Variants in INPP5F observed in about 807,000 individuals in gnomAD.
INPP5F encodes the protein inositol polyphosphate-5-phosphatase F.
In INPP5F, 97 loss-of-function variants were observed where a neutral mutation model predicts 137.2. The observed-to-expected ratio is 0.71, with a 90% confidence interval of 0.60 to 0.84. The LOEUF is 0.84. Among genes scored for constraint, INPP5F ranks in the 40% least tolerant of loss-of-function variants. INPP5F has a pLI of 0.00. For synonymous variants in INPP5F, 504 were observed against 476.9 expected (o/e 1.06, Z -0.74); for missense variants, 1,271 against 1,371.9 (o/e 0.93, Z 1.16).
At chr10:119,765,019 G>C (rs1051597286) in intron 2 of INPP5F, among the ~76,000 whole-genome samples, 2 of 151,982 alleles carry the variant, frequency 1.3e-5, no homozygotes, top group Admixed American at 1.3e-4. Context: ...TGCAACCTCT[G>C]CCTCCTGGAT....
rs1229534280 is a variant in INPP5F, at chr10:119,828,338, A to G, written c.*558A>G. ...GAGAAATGAATTCTCATTTGATCCTAATTTTCCCCGTATTCTACTTGAACA... is the reference window on the plus strand; with the variant it reads ...GAGAAATGAATTCTCATTTGATCCTGATTTTCCCCGTATTCTACTTGAACA... On this transcript the variant is annotated 3_prime_UTR_variant, in exon 20 of 20. Coordinates refer to ENST00000650623, the MANE Select transcript of INPP5F (RefSeq NM_014937.4). 3.3e-5 allele frequency: 5 copies of G among 152,780 alleles called. No homozygotes were observed. Among genetic ancestry groups the G allele is most frequent in the African/African-American group, 1.2e-4 (5 of 41,428 alleles). 9.5% of individuals were successfully genotyped at this position (152,780 alleles called of 1,614,324 possible). A position where few individuals can be genotyped will look rare whatever the true frequency, so the allele number is the denominator to read the frequency against.
intron 1 of INPP5F, among the ~76,000 whole-genome samples, chr10:119,739,080 G>A (rs977081978): frequency 2.0e-5 from 3 of 152,140 alleles, no homozygotes; most frequent in African/African-American, 7.2e-5. Flanking sequence ...AGCTACTTGG[G>A]AAGCTGAGGT....
chr10:119,821,032 G>A, intron 16 of INPP5F, 115 bp downstream of exon 16: 1 of 691,178 alleles, frequency 1.4e-6, no homozygotes. Context: ...TGTATTTTAT[G>A]AAACTTCATT....
chr10:119,781,819 T>C (rs1245284864), intron 3 of INPP5F, 48 bp downstream of exon 3: 6 of 1,464,062 alleles, frequency 4.1e-6, no homozygotes, highest in Non-Finnish European at 5.6e-6. Context: ...ATAAATGTAA[T>C]AGCAAATATG....
In INPP5F at chr10:119,748,844, A is replaced by G. The variant is rs1285040939; in HGVS notation, c.98-2232A>G. Among the ~76,000 whole-genome samples the G allele has an allele frequency of 2.6e-5, 4 of 152,176 alleles. No homozygotes were observed. Among genetic ancestry groups the G allele is most frequent in the Non-Finnish European group, 5.9e-5 (4 of 68,018 alleles). On this transcript the variant is annotated intron_variant, in intron 1 of 19. Transcript: ENST00000650623. The surrounding 1 kb of genome is among the most constrained non-coding windows in gnomAD (Gnocchi z 4.7). ...AGGCTTCAGGTTGTCCCTGGCTTGA[A>G]GGTGGGGTTTTACCTGTGATCTGCC...
At position 119,796,763 on chromosome 10, in the gene INPP5F, C is replaced by T; in HGVS notation, c.718C>T (p.Gln240Ter). ...TATCCCCATGATCCAAGGTTTTGTG[C>T]AGATTGAAGAACTTGTGGTTAATTA... ...WIIPMIQGFVQIEELVVNYTE... is the reference protein window; with the variant it reads ...WIIPMIQGFV The change falls in exon 7 of 20, where the codon CAG (glutamine) becomes TAG (stop). Residue 240 changes from glutamine to a stop codon, truncating the protein, a stop_gained. Transcript: ENST00000650623. LOFTEE classifies it high-confidence loss of function. The T allele has an allele frequency of 1.2e-6, 2 of 1,613,460 alleles. No homozygotes were observed. Among genetic ancestry groups the T allele is most frequent in the South Asian group, 2.2e-5 (2 of 90,888 alleles).
chr10:119,787,661 C>T lies in INPP5F; in HGVS notation c.316-3856C>T, dbSNP rs932979805. Among the ~76,000 whole-genome samples, 12 of 151,604 alleles carry T rather than the reference C, an allele frequency of 7.9e-5. No homozygotes were observed. Among genetic ancestry groups the T allele is most frequent in the African/African-American group, 2.9e-4 (12 of 41,270 alleles). On this transcript the variant is annotated intron_variant, in intron 3 of 19. Coordinates refer to ENST00000650623, the MANE Select transcript of INPP5F (RefSeq NM_014937.4). This position sits in a 1 kb window ranked among gnomAD's most constrained non-coding sequence, Gnocchi z 4.1. ...GAAGGGGAGGAGGAAGGGAGGAAGG[C>T]AGGCAGGCAGGCAGGAAGGAAGGAA... is the stretch of plus-strand genomic sequence containing the variant.
chr10:119,816,254 GTTTTC>G (rs958259012), intron 15 of INPP5F: 5 of 152,344 alleles, frequency 3.3e-5, no homozygotes, highest in Admixed American at 6.5e-5. Context: ...GTTTTCAAGT[GTTTTC>G]TTTTCTTCTA....
intron 2 of INPP5F, among the ~76,000 whole-genome samples, chr10:119,769,264 T>C (rs1849265688): frequency 6.6e-6 from 1 of 152,150 alleles, no homozygotes; most frequent in Non-Finnish European, 1.5e-5. Context: ...GGCAAGGTCA[T>C]GAGTAGGGAG....
intron 2 of INPP5F, among the ~76,000 whole-genome samples, chr10:119,762,456 C>T (rs1170480186): frequency 6.6e-6 from 1 of 152,092 alleles, no homozygotes. Flanking sequence ...TCATCATCTA[C>T]CAAAGGCCCC....
chr10:119,740,264 C>T (rs997552735), intron 1 of INPP5F, among the ~76,000 whole-genome samples: 10 of 152,168 alleles, frequency 6.6e-5, no homozygotes, highest in African/African-American at 1.4e-4. Flanking sequence ...GTGTATGTAG[C>T]GGGTGTGGGG....
At chr10:119,790,317 T>A (rs192076395) in intron 3 of INPP5F, among the ~76,000 whole-genome samples, 1 of 152,158 alleles carries the variant, frequency 6.6e-6, no homozygotes, top group Admixed American at 6.5e-5. Flanking sequence ...TGAAGGGAAA[T>A]AAAGTGAGCT....
At chr10:119,819,301 A>C in intron 15 of INPP5F, 6 of 403,006 alleles carry the variant, frequency 1.5e-5, no homozygotes, top group Non-Finnish European at 2.0e-5. Context: ...AGACTTCAGT[A>C]AAATTGGGGG....
chr10:119,818,475 GC>G (rs962765542), intron 15 of INPP5F, among the ~76,000 whole-genome samples: 1 of 152,190 alleles, frequency 6.6e-6, no homozygotes, highest in Non-Finnish European at 1.5e-5. Context: ...GCCCGCCAGC[GC>G]CCCCCTCCAG....
At chr10:119,792,071 T>G (rs780540398) in intron 5 of INPP5F, 35 bp downstream of exon 5, 54 of 1,614,030 alleles carry the variant, frequency 3.3e-5, no homozygotes, top group Non-Finnish European at 4.5e-5. Context: ...GGGTTTGCAC[T>G]TGGGAAGAAG....
chr10:119,818,218 A>AC (rs1169461753), intron 15 of INPP5F, among the ~76,000 whole-genome samples: 2 of 151,436 alleles, frequency 1.3e-5, no homozygotes, highest in Non-Finnish European at 2.9e-5. Context: ...ATCGCAGGAA[A>AC]CCCCCGACTC....
intron 1 of INPP5F, 32 bp downstream of exon 1, chr10:119,726,391 C>A (rs1358379234): frequency 2.5e-6 from 3 of 1,207,600 alleles, no homozygotes; most frequent in Non-Finnish European, 2.1e-6. Context: ...GGGGGCACCC[C>A]GGGCCAGGGC....
intron 13 of INPP5F, among the ~76,000 whole-genome samples, chr10:119,808,828 C>G (rs1345346382): frequency 1.3e-5 from 2 of 152,202 alleles, no homozygotes; most frequent in African/African-American, 2.4e-5. Flanking sequence ...GTACTTCTTA[C>G]ACAGATTGTA....
At chr10:119,782,097 T>A (rs1389048790) in intron 3 of INPP5F, among the ~76,000 whole-genome samples, 1 of 152,212 alleles carries the variant, frequency 6.6e-6, no homozygotes, top group Non-Finnish European at 1.5e-5. Context: ...GTTTGAAAAC[T>A]TCTTAGGGAA....
Sources: allele counts gnomAD v4.1 joint callset (sites outside exome capture counted in the v4.1 genomes callset), GRCh38; gene constraint gnomAD v4.1.1; non-coding constraint Gnocchi (gnomAD v3.1); transcripts MANE v1.5; gene names NCBI Gene and HGNC (gene_info 2026-07-23, HGNC 2026-07-21).